CPQ: variants seen among roughly 807,000 people sequenced by gnomAD.
The protein encoded by CPQ is Ser-Met dipeptidase.
Under a neutral mutation model 45.7 loss-of-function variants are expected in CPQ, and 37 were observed. The ratio of observed to expected loss-of-function variants is 0.81; its 90% CI spans 0.62 to 1.07. The LOEUF is 1.07. CPQ is among the 50% of genes least tolerant of loss of function. The pLI is 0.00. For synonymous variants in CPQ, 186 were observed against 205.8 expected, an observed-to-expected ratio of 0.90 and a Z score of 0.82; for missense variants, 537 against 572.9, an observed-to-expected ratio of 0.94 and a Z score of 0.64.
At chr8:96,844,246 G>A (rs574163900) in intron 3 of CPQ, among the ~76,000 whole-genome samples, 5 of 152,234 alleles carry the variant, frequency 3.3e-5, no homozygotes, top group South Asian at 2.1e-4. Context: ...TTTTCCAGCC[G>A]GTCTTTTTCT....
chr8:96,901,810 A>T (rs1473405611), intron 4 of CPQ, among the ~76,000 whole-genome samples: 1 of 152,208 alleles, frequency 6.6e-6, no homozygotes, highest in Non-Finnish European at 1.5e-5. Flanking sequence ...TGGGATGCCA[A>T]GTGACATTGC....
chr8:96,896,302 C>G (rs1447318937), intron 4 of CPQ, among the ~76,000 whole-genome samples: 1 of 152,148 alleles, frequency 6.6e-6, no homozygotes, highest in African/African-American at 2.4e-5. Context: ...CATGGCTTCA[C>G]ACTTCCTGTA....
chr8:96,921,381 TCAGCTTC>T (rs1488019162), intron 4 of CPQ, among the ~76,000 whole-genome samples: 2 of 152,234 alleles, frequency 1.3e-5, no homozygotes, highest in Non-Finnish European at 2.9e-5. Flanking sequence ...TATTTATTGC[TCAGCTTC>T]CAGAACCTAA....
chr8:97,066,253 C>T, intron 7 of CPQ, 43 bp downstream of exon 7: 1 of 1,554,202 alleles, frequency 6.4e-7, no homozygotes. Flanking sequence ...ATATTGCCAA[C>T]AATTTAAAAT....
At chr8:96,760,944 G>C (rs558839419) in intron 1 of CPQ, 1 of 152,300 alleles carries the variant, frequency 6.6e-6, no homozygotes, top group East Asian at 1.9e-4. Context: ...ATGTCAGAGA[G>C]AGGCAAAACC....
chr8:96,932,394 A>T (rs934268000), intron 4 of CPQ, among the ~76,000 whole-genome samples: 1 of 152,212 alleles, frequency 6.6e-6, no homozygotes, highest in African/African-American at 2.4e-5. Flanking sequence ...CAGCATCATA[A>T]AGTATGTATC....
intron 7 of CPQ, among the ~76,000 whole-genome samples, chr8:97,111,687 G>A (rs563525861): frequency 2.6e-5 from 4 of 152,334 alleles, no homozygotes; most frequent in African/African-American, 4.8e-5. Flanking sequence ...TCTGTCTGCT[G>A]AGTGTGTGGG....
At chr8:96,689,492 T>C (rs2130735934) in intron 1 of CPQ, among the ~76,000 whole-genome samples, 1 of 152,312 alleles carries the variant, frequency 6.6e-6, no homozygotes, top group Non-Finnish European at 1.5e-5. Context: ...TTATCATGCA[T>C]TTCTTGATTG....
chr8:97,049,001 A>C (rs1055735029), intron 6 of CPQ, among the ~76,000 whole-genome samples: 2 of 152,202 alleles, frequency 1.3e-5, no homozygotes, highest in African/African-American at 4.8e-5. Flanking sequence ...GCTACCTTCA[A>C]TTCTCTGAAA....
chr8:96,835,545 T>C (rs567734003), intron 3 of CPQ, among the ~76,000 whole-genome samples: 1 of 152,324 alleles, frequency 6.6e-6, no homozygotes, highest in Admixed American at 6.5e-5. Flanking sequence ...CAGCCTGTTT[T>C]CCATGTTGCT....
chr8:96,674,222 G>A (rs1393403967), intron 1 of CPQ, among the ~76,000 whole-genome samples: 1 of 152,134 alleles, frequency 6.6e-6, no homozygotes, highest in East Asian at 1.9e-4. Context: ...GAGGAAAGGA[G>A]TCTGAGAAAT....
At chr8:96,711,216 C>T (rs1809604948) in intron 1 of CPQ, among the ~76,000 whole-genome samples, 2 of 151,996 alleles carry the variant, frequency 1.3e-5, no homozygotes, top group Non-Finnish European at 2.9e-5. Flanking sequence ...TATTAGAACC[C>T]TTACATTTAA....
chr8:96,736,250 A>C (rs1263756494), intron 1 of CPQ, among the ~76,000 whole-genome samples: 1 of 152,200 alleles, frequency 6.6e-6, no homozygotes, highest in Non-Finnish European at 1.5e-5. Flanking sequence ...TTCTTATTGT[A>C]GGGTAACTTG....
intron 7 of CPQ, among the ~76,000 whole-genome samples, chr8:97,098,235 T>G (rs2513363): frequency 0.54 from 82,689 of 151,906 alleles, 23,366 homozygotes; most frequent in Non-Finnish European, 0.63. Context: ...CCAAAAACAT[T>G]AATTGAAATC....
At chr8:96,970,345 A>G (rs1169415789) in intron 5 of CPQ, among the ~76,000 whole-genome samples, 5 of 152,158 alleles carry the variant, frequency 3.3e-5, no homozygotes, top group Admixed American at 6.5e-5. Context: ...GAGAGCTAGC[A>G]TTGACTGAAG....
At chr8:96,697,813 C>G (rs1337526232) in intron 1 of CPQ, among the ~76,000 whole-genome samples, 1 of 151,868 alleles carries the variant, frequency 6.6e-6, no homozygotes, top group Non-Finnish European at 1.5e-5. Context: ...TGAAAGATCT[C>G]TACAATGAAA....
chr8:97,064,179 T>A (rs1810599132), intron 6 of CPQ, among the ~76,000 whole-genome samples: 1 of 152,178 alleles, frequency 6.6e-6, no homozygotes, highest in Non-Finnish European at 1.5e-5. Context: ...GCCTGCAATA[T>A]GGAAACCCTC....
At chr8:96,750,775 C>T (rs1275452580) in intron 1 of CPQ, among the ~76,000 whole-genome samples, 1 of 152,058 alleles carries the variant, frequency 6.6e-6, no homozygotes, top group African/African-American at 2.4e-5. Flanking sequence ...CTTCCTGATG[C>T]TCTTCCTCCC....
chr8:97,069,766 TTTA>T (rs1810706393), intron 7 of CPQ, among the ~76,000 whole-genome samples: 1 of 152,166 alleles, frequency 6.6e-6, no homozygotes, highest in South Asian at 2.1e-4. Context: ...TCAATAAACA[TTTA>T]TTGAGTCCCT....
Sources: gnomAD v4.1 joint callset for allele counts (sites outside exome capture counted in the v4.1 genomes callset) on GRCh38, gnomAD v4.1.1 for gene constraint, MANE v1.5 for transcripts, NCBI Gene and HGNC (gene_info 2026-07-23, HGNC 2026-07-21) for gene names.